CPEB2: variants seen among roughly 807,000 people sequenced by gnomAD.
CPEB2 encodes cytoplasmic polyadenylation element binding protein 2.
A neutral mutation model predicts 93.6 loss-of-function variants in CPEB2; 56 were observed. The observed-to-expected ratio is 0.60, with a 90% CI of 0.48 to 0.75. CPEB2 has a LOEUF of 0.75. CPEB2 is among the 30% of genes least tolerant of loss of function. The pLI is 0.00. For missense variants in CPEB2, 1,579 were observed against 1,395.1 expected, an observed-to-expected ratio of 1.13 and a Z score of -2.10; for synonymous variants, 764 against 586.3, an observed-to-expected ratio of 1.30 and a Z score of -4.38.
chr4:15,047,558 T>C (rs1178856628), intron 6 of CPEB2, among the ~76,000 whole-genome samples: 1 of 152,158 alleles, frequency 6.6e-6, no homozygotes, highest in African/African-American at 2.4e-5. Context: ...AGTTTATTAC[T>C]AGCATTTAGA....
At chr4:15,020,102 A>G (rs1310872525) in intron 4 of CPEB2, among the ~76,000 whole-genome samples, 1 of 152,028 alleles carries the variant, frequency 6.6e-6, no homozygotes, top group Non-Finnish European at 1.5e-5. Context: ...AGGGCTGTAA[A>G]ATTTTTCTTA....
chr4:15,037,597 G>A (rs1413748633), intron 5 of CPEB2, among the ~76,000 whole-genome samples: 2 of 152,032 alleles, frequency 1.3e-5, no homozygotes, highest in African/African-American at 2.4e-5. Flanking sequence ...TTAATAAGAC[G>A]ATTTGGAAAC....
At chr4:15,028,937 C>T (rs925367003) in intron 4 of CPEB2, among the ~76,000 whole-genome samples, 4 of 152,032 alleles carry the variant, frequency 2.6e-5, no homozygotes, top group Non-Finnish European at 4.4e-5. Flanking sequence ...TCAGATAATA[C>T]ATTTAAAGTG....
chr4:15,060,677 G>C (rs1181871668), intron 10 of CPEB2, among the ~76,000 whole-genome samples: 1 of 152,090 alleles, frequency 6.6e-6, no homozygotes, highest in African/African-American at 2.4e-5. Context: ...ACCATTCAGA[G>C]CTCCCAAATA....
intron 4 of CPEB2, among the ~76,000 whole-genome samples, chr4:15,029,113 G>A (rs188048331): frequency 3.4e-4 from 51 of 151,924 alleles, no homozygotes; most frequent in African/African-American, 9.9e-4. Flanking sequence ...ACTTTAAATC[G>A]TCTCTAGATT....
rs530896797 is a variant in CPEB2, at chr4:15,042,589, C to A, written c.2200+2102C>A. Among the ~76,000 whole-genome samples the A allele has an allele frequency of 4.6e-5, 7 of 152,188 alleles. No homozygotes were observed. In the East Asian group the frequency reaches 1.3e-3, roughly 29 times the overall value. On this transcript the variant is annotated intron_variant, in intron 6 of 11. Coordinates refer to ENST00000538197, the MANE Select transcript of CPEB2 (RefSeq NM_001177382.2). The stretch of plus-strand genomic sequence containing the variant: ...TGAATTTTCATCTCAAATTATATGG[C>A]CTTAGTAAATTATGAACACTAGCAG...
chr4:15,025,900 T>C (rs909605379), intron 4 of CPEB2, among the ~76,000 whole-genome samples: 2 of 152,138 alleles, frequency 1.3e-5, no homozygotes, highest in Non-Finnish European at 2.9e-5. Flanking sequence ...TTTGATGACT[T>C]AGTTGTTTTA....
At chr4:15,031,557 T>C (rs1283149658) in intron 4 of CPEB2, among the ~76,000 whole-genome samples, 4 of 152,250 alleles carry the variant, frequency 2.6e-5, no homozygotes, top group Non-Finnish European at 5.9e-5. Context: ...GTATGACAAC[T>C]TTATTTAAGA....
intron 6 of CPEB2, among the ~76,000 whole-genome samples, chr4:15,052,197 G>C (rs923205276): frequency 1.3e-5 from 2 of 151,814 alleles, no homozygotes; most frequent in Non-Finnish European, 2.9e-5. Context: ...TTTAATTGTT[G>C]ACATATGACT....
Position 15,040,614 on chromosome 4 carries a change from C to T in CPEB2, c.2200+127C>T, listed in dbSNP as rs1358324674. The T allele has an allele frequency of 4.8e-6, 4 of 825,016 alleles. No individual in the cohort carries two copies. The East Asian group carries it at 8.2e-5, about 17-fold the overall frequency. 51.1% of individuals were successfully genotyped at this position (825,016 alleles called of 1,614,324 possible). ...TCACACAATTGTATTTTGATTTGAG[C>T]ACTTGTCGAAGTTTTTAATTTTAAA... is the stretch of plus-strand genomic sequence containing the variant. On this transcript the variant is annotated intron_variant, in intron 6 of 11. Coordinates refer to ENST00000538197, the MANE Select transcript of CPEB2 (RefSeq NM_001177382.2).
chr4:15,055,918 A>G (rs1728674358), intron 8 of CPEB2, among the ~76,000 whole-genome samples: 1 of 152,144 alleles, frequency 6.6e-6, no homozygotes, highest in African/African-American at 2.4e-5. Context: ...GTGTAAGTTG[A>G]TCACAGAAAA....
At chr4:15,005,576 A>G (rs556666892) in intron 1 of CPEB2, among the ~76,000 whole-genome samples, 4 of 152,084 alleles carry the variant, frequency 2.6e-5, no homozygotes, top group Non-Finnish European at 5.9e-5. Flanking sequence ...TCCATTTTCT[A>G]TTTTCGTGAT....
intron 5 of CPEB2, among the ~76,000 whole-genome samples, chr4:15,039,763 T>A (rs1726994741): frequency 6.6e-6 from 1 of 152,162 alleles, no homozygotes; most frequent in Non-Finnish European, 1.5e-5. Flanking sequence ...CATGATTTTG[T>A]TAATAGTAAT....
In CPEB2 at chr4:15,062,093, A is replaced by G; in HGVS notation, c.2710A>G (p.Ile904Val). The G allele has an allele frequency of 6.2e-7, 1 of 1,608,134 alleles. No homozygotes were observed. The highest frequency in any genetic ancestry group is 8.5e-7 in the Non-Finnish European group (1 of 1,176,218). The change falls in exon 11 of 12, where the codon ATC (isoleucine) becomes GTC (valine). Residue 904 changes from isoleucine to valine, a missense_variant. Coordinates refer to ENST00000538197, the MANE Select transcript of CPEB2 (RefSeq NM_001177382.2). ...RPLRAVELAM[I>V]MDRLYGGVCY... ...TCCTTTTCAAGTGGAACTTGCTATG[A>G]TCATGGACCGGCTGTATGGTGGAGT...
Position 15,003,974 on chromosome 4 carries a change from C to T in CPEB2, c.1301C>T (p.Ser434Leu), listed in dbSNP as rs763334851. 18 of 1,387,760 alleles carry T rather than the reference C, an allele frequency of 1.3e-5. No homozygotes were observed. Among genetic ancestry groups the T allele is most frequent in the Non-Finnish European group, 1.6e-5 (17 of 1,067,554 alleles). The allele number at this position is 1,387,760 out of a possible 1,614,324, so 86.0% of individuals were successfully genotyped here. A position where few individuals can be genotyped will look rare whatever the true frequency, so the allele number is the denominator to read the frequency against. The change falls in exon 1 of 12, where the codon TCG becomes TTG. Residue 434 changes from serine (S) to leucine (L), a missense_variant. By Grantham distance (145) the Ser-to-Leu change is moderately radical. This residue lies in a region of CPEB2 where 1,411 missense variants were observed against 1,056.0 expected (regional missense o/e 1.34). Coordinates refer to ENST00000538197, the MANE Select transcript of CPEB2 (RefSeq NM_001177382.2). ...ACCCCGGGCGGCGGCAGCGGCGGCT[C>T]GCTCAGCGCCATGCCGCCGCCCAGC... ...ATTPGGGSGG[S>L]LSAMPPPSPD...
intron 6 of CPEB2, among the ~76,000 whole-genome samples, chr4:15,051,707 T>C (rs1728237671): frequency 1.3e-5 from 2 of 152,232 alleles, no homozygotes; most frequent in African/African-American, 4.8e-5. Context: ...TCTTTCTAAA[T>C]GTACATTCCT....
At chr4:15,045,174 A>G (rs968971719) in intron 6 of CPEB2, among the ~76,000 whole-genome samples, 3 of 152,160 alleles carry the variant, frequency 2.0e-5, no homozygotes, top group East Asian at 1.9e-4. Context: ...GTCTATAACT[A>G]TCTCATTCTT....
chr4:15,033,585 A>G (rs1726332699), intron 5 of CPEB2, among the ~76,000 whole-genome samples: 1 of 152,228 alleles, frequency 6.6e-6, no homozygotes, highest in African/African-American at 2.4e-5. Flanking sequence ...AAAGGCATAG[A>G]ACTTGTTACT....
rs1442806143 is a variant in CPEB2 at position 15,017,254 on chromosome 4, A to G, written c.2101A>G (p.Arg701Gly). Residue 701 changes from arginine (R) to glycine (G), a missense_variant, in exon 4 of 12, where the codon AGA (arginine) becomes GGA (glycine). Physicochemically the swap from Arg to Gly is moderately radical, Grantham distance 125. This residue lies in a region of CPEB2 where 1,411 missense variants were observed against 1,056.0 expected (regional missense o/e 1.34). Transcript: ENST00000538197. ...GGAAAATTCCCTTATCGATATTATGAGAGCAGAGCATGATCCTCTTAAGGG... is the reference window on the plus strand; with the variant it reads ...GGAAAATTCCCTTATCGATATTATGGGAGCAGAGCATGATCCTCTTAAGGG... ...SLENSLIDIM[R>G]AEHDPLKGRL... The G allele has an allele frequency of 6.3e-7, 1 of 1,595,964 alleles. No homozygotes were observed. Among genetic ancestry groups the G allele is most frequent in the Non-Finnish European group, 8.6e-7 (1 of 1,166,002 alleles).
Sources: gnomAD v4.1 joint callset for allele counts (sites outside exome capture counted in the v4.1 genomes callset) on GRCh38, gnomAD v4.1.1 for gene constraint, gnomAD v4.1.1 regional missense constraint, MANE v1.5 for transcripts, NCBI Gene and HGNC (gene_info 2026-07-23, HGNC 2026-07-21) for gene names.